Variants in ASAH2 observed in about 807,000 individuals in gnomAD.
ASAH2 encodes the protein neutral ceramidase.
Under a neutral mutation model 82.9 loss-of-function variants are expected in ASAH2, and 58 were observed. That is an observed-to-expected ratio of 0.70 (90% confidence interval 0.57 to 0.87). The LOEUF is 0.87. ASAH2 is among the 40% of genes least tolerant of loss of function. The pLI is 0.00. For missense variants in ASAH2, 779 were observed against 834.0 expected (o/e 0.93, Z 0.81); for synonymous variants, 276 against 289.7 (o/e 0.95, Z 0.48).
intron 7 of ASAH2, among the ~76,000 whole-genome samples, chr10:50,225,926 AC>A (rs1302595139): frequency 3.3e-5 from 5 of 152,046 alleles, no homozygotes; most frequent in Non-Finnish European, 5.9e-5. Flanking sequence ...CCCCGTCTCT[AC>A]TAAAAAACTA....
In ASAH2 at chr10:50,186,837, T is replaced by C. The variant is rs1844756023; in HGVS notation, c.*478A>G. The C allele has an allele frequency of 7.3e-6, 1 of 136,118 alleles. No individual in the cohort carries two copies. Among genetic ancestry groups the C allele is most frequent in the Non-Finnish European group, 1.5e-5 (1 of 64,604 alleles). 8.4% of individuals were successfully genotyped at this position (136,118 alleles called of 1,614,324 possible). A position where few individuals can be genotyped will look rare whatever the true frequency, so the allele number is the denominator to read the frequency against. On this transcript the variant is annotated 3_prime_UTR_variant, in exon 21 of 21. Coordinates refer to ENST00000682911, the MANE Select transcript of ASAH2 (RefSeq NM_019893.4). ...GATTAGAAGAAAAGACCATTTTTCT[T>C]ATATGTAAGATGAAGGGTAAGACTA... is the stretch of plus-strand genomic sequence containing the variant.
intron 5 of ASAH2, 27 bp downstream of exon 5, chr10:50,235,861 C>T: frequency 6.2e-7 from 1 of 1,611,206 alleles, no homozygotes; most frequent in East Asian, 2.2e-5. Flanking sequence ...TGGTAAAGAA[C>T]AGCTGCCTCT....
At chr10:50,233,124 C>T (rs1221535967) in intron 7 of ASAH2, 60 bp downstream of exon 7, 1 of 1,243,926 alleles carries the variant, frequency 8.0e-7, no homozygotes, top group Admixed American at 1.7e-5. Context: ...TCTCTTTTCC[C>T]TTCTCTTTAA....
intron 4 of ASAH2, chr10:50,240,629 A>T: frequency 1.4e-6 from 1 of 701,856 alleles, no homozygotes; most frequent in Non-Finnish European, 2.6e-6. Context: ...TACATCTCCA[A>T]CTACATGCCT....
At chr10:50,251,159 T>A (rs1230407813) in intron 1 of ASAH2, among the ~76,000 whole-genome samples, 1 of 152,242 alleles carries the variant, frequency 6.6e-6, no homozygotes, top group Non-Finnish European at 1.5e-5. Flanking sequence ...TCTGTAATAA[T>A]CCTGAAAACT....
chr10:50,196,332 T>C (rs1844982052), intron 18 of ASAH2, among the ~76,000 whole-genome samples: 1 of 151,972 alleles, frequency 6.6e-6, no homozygotes, highest in Non-Finnish European at 1.5e-5. Context: ...TGATACTATA[T>C]GTAGAAATTC....
chr10:50,243,429 G>A (rs2133232390), intron 3 of ASAH2, 78 bp from the exon 4 acceptor site: 1 of 1,446,062 alleles, frequency 6.9e-7, no homozygotes, highest in Non-Finnish European at 9.3e-7. Context: ...ATACAATATA[G>A]ACGACTGCAG....
chr10:50,188,890 G>A (rs1421245266), intron 20 of ASAH2, among the ~76,000 whole-genome samples: 1 of 129,766 alleles, frequency 7.7e-6, no homozygotes, highest in Non-Finnish European at 1.6e-5. Context: ...CAGAAGTATT[G>A]TCTTATTTCA....
At chr10:50,213,252 T>C (rs1260604833) in intron 9 of ASAH2, among the ~76,000 whole-genome samples, 194 bp from the exon 10 acceptor site, 2 of 152,210 alleles carry the variant, frequency 1.3e-5, no homozygotes, top group Non-Finnish European at 2.9e-5. Flanking sequence ...TCTTTAGAAA[T>C]GATCTATTCT....
intron 4 of ASAH2, among the ~76,000 whole-genome samples, chr10:50,240,714 A>G (rs1269087012): frequency 6.6e-6 from 1 of 152,104 alleles, no homozygotes; most frequent in Admixed American, 6.5e-5. Flanking sequence ...CTCTGTGTTC[A>G]TTCTGTTTCT....
chr10:50,211,738 A>G (rs1430823435), intron 10 of ASAH2, among the ~76,000 whole-genome samples: 2 of 152,210 alleles, frequency 1.3e-5, no homozygotes, highest in African/African-American at 2.4e-5. Context: ...TTCGCATTAT[A>G]TAACATAGGC....
At chr10:50,246,970 C>T (rs1208185673) in intron 2 of ASAH2, among the ~76,000 whole-genome samples, 1 of 152,116 alleles carries the variant, frequency 6.6e-6, no homozygotes. Context: ...AGCATCCACC[C>T]TTATAGGATT....
chr10:50,204,711 A>C (rs1278671900), intron 14 of ASAH2, 150 bp downstream of exon 14: 1 of 639,072 alleles, frequency 1.6e-6, no homozygotes, highest in Non-Finnish European at 2.8e-6. Flanking sequence ...GGCCCCAGCA[A>C]AAGAGGGTAG....
Position 50,236,074 on chromosome 10 carries a change from A to G in ASAH2, c.511-10T>C. 1.2e-6 allele frequency: 2 copies of G among 1,612,096 alleles called. No individual in the cohort carries two copies. Among genetic ancestry groups the G allele is most frequent in the Middle Eastern group, 1.7e-4 (1 of 6,040 alleles). On this transcript the variant is annotated splice_polypyrimidine_tract_variant and intron_variant, in intron 4 of 20. Transcript: ENST00000682911. ...GCAGTCTGTTCAGGACCTTCAAGAA[A>G]AAAAGTAATTGAACTAAGAAGAGGG...
intron 9 of ASAH2, among the ~76,000 whole-genome samples, chr10:50,213,913 T>G (rs1291404757): frequency 8.5e-5 from 13 of 152,086 alleles, no homozygotes; most frequent in Non-Finnish European, 1.6e-4. Flanking sequence ...AAAAGCATTA[T>G]CACAGGTGAA....
At chr10:50,225,723 T>C (rs922703715) in intron 7 of ASAH2, among the ~76,000 whole-genome samples, 3 of 152,050 alleles carry the variant, frequency 2.0e-5, no homozygotes, top group African/African-American at 7.2e-5. Flanking sequence ...ATATAAACAT[T>C]CTCTTTGGCT....
intron 12 of ASAH2, among the ~76,000 whole-genome samples, chr10:50,209,830 C>T (rs943117551): frequency 9.9e-5 from 15 of 152,080 alleles, no homozygotes; most frequent in African/African-American, 3.6e-4. Flanking sequence ...ATCAAAACCA[C>T]AATGAGATAT....
chr10:50,246,389 T>C (rs1846459070), intron 2 of ASAH2, among the ~76,000 whole-genome samples: 1 of 152,262 alleles, frequency 6.6e-6, no homozygotes, highest in Non-Finnish European at 1.5e-5. Context: ...GCTTTGATTT[T>C]CTTTACCTAT....
At chr10:50,220,319 T>A (rs1845707256) in intron 7 of ASAH2, among the ~76,000 whole-genome samples, 1 of 152,138 alleles carries the variant, frequency 6.6e-6, no homozygotes, top group Non-Finnish European at 1.5e-5. Context: ...TAAAGACACA[T>A]GGACACGTAT....
Sources: allele counts gnomAD v4.1 joint callset (sites outside exome capture counted in the v4.1 genomes callset), GRCh38; gene constraint gnomAD v4.1.1; transcripts MANE v1.5; gene names NCBI Gene and HGNC (gene_info 2026-07-23, HGNC 2026-07-21).